Variants in OTOGL observed in about 807,000 individuals in gnomAD.
OTOGL encodes the protein otogelin like, also known as otogelin-like protein.
OTOGL carries 285 observed loss-of-function variants against 318.5 expected under a neutral mutation model. That is an observed-to-expected ratio of 0.89 (90% CI 0.81 to 0.99). The LOEUF (loss-of-function observed/expected upper bound fraction) is 0.99. Ranked by LOEUF, OTOGL falls within the 50% of genes least tolerant of loss-of-function variation. The pLI, the probability that OTOGL is intolerant of heterozygous loss-of-function variation, is 0.00. For synonymous variants in OTOGL, 987 were observed against 936.5 expected, an observed-to-expected ratio of 1.05 and a Z score of -0.99; for missense variants, 2,899 against 2,845.6, an observed-to-expected ratio of 1.02 and a Z score of -0.43.
At chr12:80,125,829 G>T (rs142509351) in intron 1 of OTOGL, among the ~76,000 whole-genome samples, 99 of 152,292 alleles carry the variant, frequency 6.5e-4, no homozygotes, top group African/African-American at 2.3e-3. Context: ...TTTGTGTAAA[G>T]GTGTTTATAG....
At chr12:80,131,703 C>G (rs1169002680) in intron 1 of OTOGL, 1 of 152,082 alleles carries the variant, frequency 6.6e-6, no homozygotes, top group Non-Finnish European at 1.5e-5. Context: ...ATTATTATAA[C>G]CTATGCATGA....
At chr12:80,169,680 T>A (rs1444899989) in intron 1 of OTOGL, among the ~76,000 whole-genome samples, 1 of 152,208 alleles carries the variant, frequency 6.6e-6, no homozygotes, top group African/African-American at 2.4e-5. Context: ...GTAGTCAAAC[T>A]CTTCTTCTGT....
chr12:80,305,496 C>T (rs1417812677), intron 28 of OTOGL, 80 bp from the exon 29 acceptor site: 3 of 1,165,918 alleles, frequency 2.6e-6, no homozygotes, highest in Admixed American at 8.1e-5. Context: ...TTTGAAATGT[C>T]TCAAAAGTTT....
In OTOGL at chr12:80,265,152, C is replaced by A. The variant is rs773004144; in HGVS notation, c.2166C>A (p.Ala722=). 6.2e-7 allele frequency: 1 copy of A among 1,613,870 alleles called. No individual in the cohort carries two copies. The highest frequency in any genetic ancestry group is 8.5e-7 in the Non-Finnish European group (1 of 1,179,852). Reference sequence around the variant, plus strand: ...TGTGCAATGCTCTTGCCCACTATGCCTACCTCTGCGGCCAGCACGGTGTTC... The same window carrying A: ...TGTGCAATGCTCTTGCCCACTATGCATACCTCTGCGGCCAGCACGGTGTTC... ...SCLCNALAHY[A]YLCGQHGVPI... Residue 722 remains alanine, a synonymous_variant, in exon 20 of 59, where the codon GCC becomes GCA. Coordinates refer to ENST00000547103, the MANE Select transcript of OTOGL (RefSeq NM_001378609.3).
chr12:80,148,690 C>G (rs993996269), intron 1 of OTOGL, among the ~76,000 whole-genome samples: 2 of 152,176 alleles, frequency 1.3e-5, no homozygotes, highest in Non-Finnish European at 2.9e-5. Context: ...TTCAGGTACA[C>G]GAATCAGATG....
At position 80,222,156 on chromosome 12, in the gene OTOGL, T is replaced by C; in HGVS notation, c.400T>C (p.Phe134Leu). Residue 134 changes from phenylalanine (F) to leucine (L), a missense_variant, in exon 7 of 59, where the codon TTC (phenylalanine) becomes CTC (leucine). Physicochemically the swap from Phe to Leu is conservative, Grantham distance 22. Coordinates refer to ENST00000547103, the MANE Select transcript of OTOGL (RefSeq NM_001378609.3). ...KTWGQYHFETFDGIYYYFPGN... is the reference protein window; with the variant it reads ...KTWGQYHFETLDGIYYYFPGN... ...CTGGGGACAGTATCATTTTGAAACA[T>C]TCGATGGCATCTACTATTACTTCCC... 4.4e-6 allele frequency: 7 copies of C among 1,598,000 alleles called. No individual in the cohort carries two copies. The highest frequency in any genetic ancestry group is 5.9e-6 in the Non-Finnish European group (7 of 1,178,508).
At chr12:80,131,230 T>C (rs932588138) in intron 1 of OTOGL, 3 of 152,232 alleles carry the variant, frequency 2.0e-5, no homozygotes, top group Admixed American at 2.0e-4. Context: ...GTCCTACCCA[T>C]AGAAAATCTG....
chr12:80,346,978 A>G (rs1056727336), intron 44 of OTOGL, among the ~76,000 whole-genome samples: 4 of 152,128 alleles, frequency 2.6e-5, no homozygotes, highest in African/African-American at 9.7e-5. Flanking sequence ...AGTCATGTTG[A>G]TTCCACTTCC....
chr12:80,101,472 C>A (rs183527385), intron 1 of OTOGL, among the ~76,000 whole-genome samples: 1 of 152,288 alleles, frequency 6.6e-6, no homozygotes, highest in African/African-American at 2.4e-5. Context: ...TGAGTGGAGA[C>A]TGTTTTATCT....
intron 11 of OTOGL, among the ~76,000 whole-genome samples, chr12:80,244,773 A>C (rs1387771445): frequency 6.8e-6 from 1 of 147,428 alleles, no homozygotes; most frequent in African/African-American, 2.7e-5. Flanking sequence ...ACTAGTTTAC[A>C]GTCCCACCAA....
At chr12:80,129,487 G>C (rs769955076) in intron 1 of OTOGL, among the ~76,000 whole-genome samples, 1 of 152,046 alleles carries the variant, frequency 6.6e-6, no homozygotes, top group Non-Finnish European at 1.5e-5. Context: ...ACAATAAGTT[G>C]GCTTTTAATG....
chr12:80,312,380 CAT>C (rs1246003432), intron 30 of OTOGL, among the ~76,000 whole-genome samples: 3 of 152,128 alleles, frequency 2.0e-5, no homozygotes, highest in African/African-American at 7.2e-5. Context: ...TATTTCTTAG[CAT>C]ATATAAATAT....
In OTOGL at chr12:80,217,662, A is replaced by C; in HGVS notation, c.233A>C (p.Lys78Thr). 1.3e-6 allele frequency: 2 copies of C among 1,529,976 alleles called. No homozygotes were observed. Among genetic ancestry groups the C allele is most frequent in the Non-Finnish European group, 8.9e-7 (1 of 1,128,736 alleles). The allele number at this position is 1,529,976 out of a possible 1,614,324, so 94.8% of individuals were successfully genotyped here. Reference sequence around the variant, plus strand: ...ATTAATTGGGGTGAGAGCAAAATAAAAGGTCAGTGTTTATACTTAGGTTTT... The same window carrying C: ...ATTAATTGGGGTGAGAGCAAAATAACAGGTCAGTGTTTATACTTAGGTTTT... ...DAINWGESKI[K>T]GSCPYECLNG... Residue 78 changes from lysine (K) to threonine (T), a missense_variant and splice_region_variant, in exon 5 of 59, where the codon AAA becomes ACA. Lys to Thr is a moderately conservative substitution (Grantham distance 78). Transcript: ENST00000547103.
chr12:80,229,127 A>G, intron 7 of OTOGL, 130 bp from the exon 8 acceptor site: 1 of 1,080,674 alleles, frequency 9.3e-7, no homozygotes, highest in Non-Finnish European at 1.3e-6. Context: ...AGAAATCCCA[A>G]ATGTAGTTAT....
Position 80,306,794 on chromosome 12 carries a change from T to TA in OTOGL, c.3333+1099_3333+1100insA, listed in dbSNP as rs1555294417. Among the ~76,000 whole-genome samples the TA allele has an allele frequency of 7.2e-4, 93 of 129,152 alleles. 1 individual carries two copies. Among genetic ancestry groups the TA allele is most frequent in the African/African-American group, 2.9e-3 (91 of 31,668 alleles). 84.7% of individuals were successfully genotyped at this position (129,152 alleles called of 152,430 possible). On this transcript the variant is annotated intron_variant, in intron 29 of 58. Coordinates refer to ENST00000547103, the MANE Select transcript of OTOGL (RefSeq NM_001378609.3). ...TTTCTTTTTTTTTTTTAAATTTTAT[T>TA]TTATTATTATTATTATTATTATTAT...
At chr12:80,198,126 C>T (rs1876208509) in intron 1 of OTOGL, among the ~76,000 whole-genome samples, 1 of 152,190 alleles carries the variant, frequency 6.6e-6, no homozygotes, top group African/African-American at 2.4e-5. Context: ...TATTGATATA[C>T]TTAAAATATT....
intron 35 of OTOGL, among the ~76,000 whole-genome samples, chr12:80,326,078 C>CA (rs2137860868): frequency 6.6e-6 from 1 of 152,218 alleles, no homozygotes; most frequent in Admixed American, 6.5e-5. Flanking sequence ...TTCGTTGTGC[C>CA]AAAGTGGCTA....
intron 37 of OTOGL, 149 bp from the exon 38 acceptor site, chr12:80,332,856 G>T: frequency 3.3e-6 from 2 of 598,176 alleles, no homozygotes; most frequent in Non-Finnish European, 5.6e-6. Context: ...GTAAAATGTC[G>T]ATACTATTAT....
At chr12:80,109,116 C>T (rs1387420454) in intron 1 of OTOGL, among the ~76,000 whole-genome samples, 4 of 151,490 alleles carry the variant, frequency 2.6e-5, no homozygotes, top group Admixed American at 2.6e-4. Flanking sequence ...TCATCTTGTG[C>T]TTCTTATGCC....
Sources: gnomAD v4.1 joint callset for allele counts (sites outside exome capture counted in the v4.1 genomes callset) on GRCh38, gnomAD v4.1.1 for gene constraint, MANE v1.5 for transcripts, NCBI Gene and HGNC (gene_info 2026-07-23, HGNC 2026-07-21) for gene names.